CD248: variants seen among roughly 807,000 people sequenced by gnomAD.
CD248 encodes the protein CD248 molecule, also known as endosialin.
In CD248, 7 loss-of-function variants were observed where a neutral mutation model predicts 8.0. That is an observed-to-expected ratio of 0.88 (90% confidence interval 0.50 to 1.64). CD248 has a LOEUF of 1.64. CD248 is among the 40% of genes most tolerant of loss of function. The pLI, the probability that CD248 is intolerant of heterozygous loss-of-function variation, is 0.00. For missense variants in CD248, 912 were observed against 1,027.2 expected, an observed-to-expected ratio of 0.89 and a Z score of 1.53; for synonymous variants, 418 against 437.1, an observed-to-expected ratio of 0.96 and a Z score of 0.54.
In CD248 at chr11:66,315,138, G is replaced by T; in HGVS notation, c.1890C>A (p.Thr630=). ...LLPSQSPTNQ[T]SPISPTHPHS... ...GGGGATGTGTAGGGCTGATGGGTGA[G>T]GTCTGGTTAGTGGGGCTCTGAGAGG... is the stretch of plus-strand genomic sequence containing the variant. Residue 630 remains threonine (T), a synonymous_variant, in exon 1 of 1, where the codon ACC becomes ACA. Transcript: ENST00000311330. This position sits in a 1 kb window ranked among gnomAD's most constrained non-coding sequence, Gnocchi z 4.3. 5 of 1,537,056 alleles carry T rather than the reference G, an allele frequency of 3.3e-6. No individual in the cohort carries two copies. The highest frequency in any genetic ancestry group is 4.4e-6 in the Non-Finnish European group (5 of 1,142,820).
At position 66,314,798 on chromosome 11, in the gene CD248, T is replaced by C. The variant is rs1165668991; in HGVS notation, c.2230A>G (p.Arg744Gly). 2 of 1,559,792 alleles carry C rather than the reference T, an allele frequency of 1.3e-6. No homozygotes were observed. ...GTCTGCACCCCTGTGAGGCTGCCCC[T>C]GGGGGGCATGGGTTCTGTTGGGCTC... ...SKSPTEPMPP[R>G]GSLTGVQTCR... Residue 744 changes from arginine (R) to glycine (G), a missense_variant, in exon 1 of 1, where the codon AGG becomes GGG. Arg to Gly is a moderately radical substitution (Grantham distance 125). This residue lies in a region of CD248 where 507 missense variants were observed against 562.2 expected (regional missense o/e 0.90). Coordinates refer to ENST00000311330, the MANE Select transcript of CD248 (RefSeq NM_020404.3). This position sits in a 1 kb window ranked among gnomAD's most constrained non-coding sequence, Gnocchi z 4.0.
In CD248 at chr11:66,315,462, C is replaced by T. The variant is rs764637156; in HGVS notation, c.1566G>A (p.Pro522=). The T allele has an allele frequency of 2.0e-5, 32 of 1,612,900 alleles. No homozygotes were observed. The highest frequency in any genetic ancestry group is 1.6e-4 in the Middle Eastern group (1 of 6,080). The change falls in exon 1 of 1, where the codon CCG becomes CCA. Residue 522 remains proline, a synonymous_variant. Coordinates refer to ENST00000311330, the MANE Select transcript of CD248 (RefSeq NM_020404.3). This position sits in a 1 kb window ranked among gnomAD's most constrained non-coding sequence, Gnocchi z 4.3. ...GGGACTGGTGGGCAGGGAAGAGCTC[C>T]GGATATTTGGTTGAGATCATAGGGG... ...HQPPMISTKY[P]ELFPAHQSPM...
Position 66,314,595 on chromosome 11 carries a change from A to T in CD248, c.*159T>A. ...GGTCACGAGCGCTGGGCCAGGAAGC[A>T]GAGTTCCTGAGAGCCAAGTCTAGTG... On this transcript the variant is annotated 3_prime_UTR_variant, in exon 1 of 1. Coordinates refer to ENST00000311330, the MANE Select transcript of CD248 (RefSeq NM_020404.3). The surrounding 1 kb of genome is among the most constrained non-coding windows in gnomAD (Gnocchi z 4.0). 1 of 627,770 alleles carries T rather than the reference A, an allele frequency of 1.6e-6. No individual in the cohort carries two copies. The highest frequency in any genetic ancestry group is 2.7e-6 in the Non-Finnish European group (1 of 365,058). 38.9% of individuals were successfully genotyped at this position (627,770 alleles called of 1,614,324 possible).
rs1057099331 is a variant in CD248 at position 66,314,527 on chromosome 11, C to G, written c.*227G>C. 1.9e-6 allele frequency: 1 copy of G among 521,300 alleles called. No individual in the cohort carries two copies. 32.3% of individuals were successfully genotyped at this position (521,300 alleles called of 1,614,324 possible). Reference sequence around the variant, plus strand: ...ACACCCCATTTATTGGAGAAGACCCCAGCACCCGCCCCCTGAGGTCTTAAG... The same window carrying G: ...ACACCCCATTTATTGGAGAAGACCCGAGCACCCGCCCCCTGAGGTCTTAAG... On this transcript the variant is annotated 3_prime_UTR_variant, in exon 1 of 1. Coordinates refer to ENST00000311330, the MANE Select transcript of CD248 (RefSeq NM_020404.3). This position sits in a 1 kb window ranked among gnomAD's most constrained non-coding sequence, Gnocchi z 4.0.
chr11:66,316,982 G>A lies in CD248; in HGVS notation c.46C>T (p.Leu16=). Residue 16 remains leucine (L), a synonymous_variant, in exon 1 of 1, where the codon CTG becomes TTG. Coordinates refer to ENST00000311330, the MANE Select transcript of CD248 (RefSeq NM_020404.3). ...TCAGCAGCCCAGGGGTCCTGGCCCA[G>A]TGTGGGCCCTGCGGCCGCCCAGGCC... The part of the protein sequence containing the change: ...LLAWAAAGPT[L]GQDPWAAEPR... 2 of 1,507,556 alleles carry A rather than the reference G, an allele frequency of 1.3e-6. No homozygotes were observed. Among genetic ancestry groups the A allele is most frequent in the Admixed American group, 2.3e-5 (1 of 44,134 alleles). 93.4% of individuals were successfully genotyped at this position (1,507,556 alleles called of 1,614,324 possible). A position where few individuals can be genotyped will look rare whatever the true frequency, so the allele number is the denominator to read the frequency against.
Position 66,314,525 on chromosome 11 carries a change from C to T in CD248, c.*229G>A. 1.9e-6 allele frequency: 1 copy of T among 518,724 alleles called. No homozygotes were observed. The highest frequency in any genetic ancestry group is 3.5e-6 in the Non-Finnish European group (1 of 289,448). 32.1% of individuals were successfully genotyped at this position (518,724 alleles called of 1,614,324 possible). A position where few individuals can be genotyped will look rare whatever the true frequency, so the allele number is the denominator to read the frequency against. On this transcript the variant is annotated 3_prime_UTR_variant, in exon 1 of 1. Transcript: ENST00000311330. This position sits in a 1 kb window ranked among gnomAD's most constrained non-coding sequence, Gnocchi z 4.0. Reference sequence around the variant, plus strand: ...TGACACCCCATTTATTGGAGAAGACCCCAGCACCCGCCCCCTGAGGTCTTA... The same window carrying T: ...TGACACCCCATTTATTGGAGAAGACTCCAGCACCCGCCCCCTGAGGTCTTA...
In CD248 at chr11:66,314,984, T is replaced by C. The variant is rs770285113; in HGVS notation, c.2044A>G (p.Arg682Gly). 1 of 1,612,664 alleles carries C rather than the reference T, an allele frequency of 6.2e-7. No homozygotes were observed. Among genetic ancestry groups the C allele is most frequent in the Non-Finnish European group, 8.5e-7 (1 of 1,179,570 alleles). ...GEAGLAEHSQ[R>G]DDRWLLVALL... ...GCCACCAGCAGCCACCGGTCATCCC[T>C]CTGGCTGTGCTCGGCAAGACCAGCC... is the stretch of plus-strand genomic sequence containing the variant. Residue 682 changes from arginine (R) to glycine (G), a missense_variant, in exon 1 of 1, where the codon AGG (arginine) becomes GGG (glycine). Physicochemically the swap from Arg to Gly is moderately radical, Grantham distance 125. Around this residue, in one of 3 missense-constraint regions of CD248, gnomAD observed 507 missense variants for 562.2 expected, o/e 0.90. Transcript: ENST00000311330. This position sits in a 1 kb window ranked among gnomAD's most constrained non-coding sequence, Gnocchi z 4.0.
At position 66,316,212 on chromosome 11, in the gene CD248, C is replaced by A; in HGVS notation, c.816G>T (p.Glu272Asp). 1 of 1,613,072 alleles carries A rather than the reference C, an allele frequency of 6.2e-7. No homozygotes were observed. Among genetic ancestry groups the A allele is most frequent in the Non-Finnish European group, 8.5e-7 (1 of 1,179,944 alleles). Reference protein sequence around the residue: ...FRLAADGRSCEDPCAQAPCEQ... With the variant: ...FRLAADGRSCDDPCAQAPCEQ... ...CGCACGGAGCCTGGGCACAGGGGTC[C>A]TCGCAACTGCGCCCGTCTGCTGCCA... is the stretch of plus-strand genomic sequence containing the variant. Residue 272 changes from glutamate to aspartate, a missense_variant, in exon 1 of 1, where the codon GAG becomes GAT. By Grantham distance (45) the Glu-to-Asp change is conservative. Around this residue, in one of 3 missense-constraint regions of CD248, gnomAD observed 403 missense variants for 446.2 expected, o/e 0.90. Transcript: ENST00000311330.
In CD248 at chr11:66,314,976, G is replaced by A. The variant is rs745410232; in HGVS notation, c.2052C>T (p.Asp684=). 5.6e-6 allele frequency: 9 copies of A among 1,613,058 alleles called. No individual in the cohort carries two copies. The highest frequency in any genetic ancestry group is 1.3e-5 in the African/African-American group (1 of 74,946). The part of the protein sequence containing the change: ...AGLAEHSQRD[D]RWLLVALLVP... ...CCAGGAGTGCCACCAGCAGCCACCG[G>A]TCATCCCTCTGGCTGTGCTCGGCAA... Residue 684 remains aspartate (D), a synonymous_variant, in exon 1 of 1, where the codon GAC becomes GAT. Coordinates refer to ENST00000311330, the MANE Select transcript of CD248 (RefSeq NM_020404.3). The surrounding 1 kb of genome is among the most constrained non-coding windows in gnomAD (Gnocchi z 4.0).
chr11:66,316,637 A>G lies in CD248; in HGVS notation c.391T>C (p.Cys131Arg), dbSNP rs767570725. 1.2e-6 allele frequency: 2 copies of G among 1,603,796 alleles called. No homozygotes were observed. Among genetic ancestry groups the G allele is most frequent in the Non-Finnish European group, 1.7e-6 (2 of 1,178,590 alleles). Residue 131 changes from cysteine to arginine, a missense_variant, in exon 1 of 1, where the codon TGT (cysteine) becomes CGT (arginine). By Grantham distance (180) the Cys-to-Arg change is radical. This residue lies in a region of CD248 where 403 missense variants were observed against 446.2 expected (regional missense o/e 0.90). Transcript: ENST00000311330. The part of the protein sequence containing the change: ...ASGGPCPAQR[C>R]VALEASGEHR... ...TCGCCACTTGCCTCCAGGGCCACAC[A>G]GCGCTGGGCCGGGCAGGGGCCTCCA...
In CD248 at chr11:66,315,941, C is replaced by T. The variant is rs774532586; in HGVS notation, c.1087G>A (p.Asp363Asn). 3.7e-6 allele frequency: 6 copies of T among 1,613,230 alleles called. No homozygotes were observed. In the South Asian group the frequency reaches 5.5e-5, roughly 15 times the overall value. The change falls in exon 1 of 1, where the codon GAC becomes AAC. Residue 363 changes from aspartate to asparagine, a missense_variant. Physicochemically the swap from Asp to Asn is conservative, Grantham distance 23. Around this residue, in one of 3 missense-constraint regions of CD248, gnomAD observed 507 missense variants for 562.2 expected, o/e 0.90. Coordinates refer to ENST00000311330, the MANE Select transcript of CD248 (RefSeq NM_020404.3). The surrounding 1 kb of genome is among the most constrained non-coding windows in gnomAD (Gnocchi z 4.3). Reference protein sequence around the residue: ...AGAMGAQASQDLGDELLDDGE... With the variant: ...AGAMGAQASQNLGDELLDDGE... ...TCATCCAGCAACTCATCTCCGAGGTCCTGGGAAGCCTGGGCACCCATGGCC... is the reference window on the plus strand; with the variant it reads ...TCATCCAGCAACTCATCTCCGAGGTTCTGGGAAGCCTGGGCACCCATGGCC...
rs762162744 is a variant in CD248 at position 66,316,503 on chromosome 11, G to A, written c.525C>T (p.Gly175=). The change falls in exon 1 of 1, where the codon GGC becomes GGT. Residue 175 remains glycine, a synonymous_variant. Transcript: ENST00000311330. ...GGAAGGGCGTGGTATACACGGCTGG[G>A]CCGGCCTGGCCCGCCTCATCTTGCA... is the stretch of plus-strand genomic sequence containing the variant. ...PALQDEAGQA[G]PAVYTTPFHL... is the part of the protein sequence containing the mutation. 9 of 1,596,002 alleles carry A rather than the reference G, an allele frequency of 5.6e-6. No individual in the cohort carries two copies. The Admixed American group carries it at 1.2e-4, about 21-fold the overall frequency.
Position 66,314,889 on chromosome 11 carries a change from A to G in CD248, c.2139T>C (p.Cys713=). 1.2e-6 allele frequency: 2 copies of G among 1,611,610 alleles called. No homozygotes were observed. Among genetic ancestry groups the G allele is most frequent in the Non-Finnish European group, 1.7e-6 (2 of 1,179,256 alleles). ...TGCGCTTGTTGGGTGCATGGGGGCC[A>G]CAGCGGGTGCAGTACACGATGCCCA... ...LALGIVYCTR[C]GPHAPNKRIT... is the part of the protein sequence containing the mutation. Residue 713 remains cysteine, a synonymous_variant, in exon 1 of 1, where the codon TGT becomes TGC. Coordinates refer to ENST00000311330, the MANE Select transcript of CD248 (RefSeq NM_020404.3). This position sits in a 1 kb window ranked among gnomAD's most constrained non-coding sequence, Gnocchi z 4.0.
At position 66,316,321 on chromosome 11, in the gene CD248, C is replaced by A. The variant is rs763200019; in HGVS notation, c.707G>T (p.Ser236Ile). Reference protein sequence around the residue: ...AGPLCLGTGCSPDNGGCEHEC... With the variant: ...AGPLCLGTGCIPDNGGCEHEC... ...GTGTTCGCAGCCCCCGTTGTCAGGG[C>A]TGCAGCCAGTCCCCAGGCACAGGGG... Residue 236 changes from serine to isoleucine, a missense_variant, in exon 1 of 1, where the codon AGC becomes ATC. This residue lies in a region of CD248 where 403 missense variants were observed against 446.2 expected (regional missense o/e 0.90). Transcript: ENST00000311330. 7 of 1,612,578 alleles carry A rather than the reference C, an allele frequency of 4.3e-6. No individual in the cohort carries two copies. The highest frequency in any genetic ancestry group is 5.9e-6 in the Non-Finnish European group (7 of 1,179,714).
chr11:66,316,528 A>G lies in CD248; in HGVS notation c.500T>C (p.Leu167Pro), dbSNP rs1279721701. The change falls in exon 1 of 1, where the codon CTG (leucine) becomes CCG (proline). Residue 167 changes from leucine to proline, a missense_variant. Leu to Pro is a moderately conservative substitution (Grantham distance 98, BLOSUM62 -3). Around this residue, in one of 3 missense-constraint regions of CD248, gnomAD observed 403 missense variants for 446.2 expected, o/e 0.90. Transcript: ENST00000311330. ...GCCGGCCTGGCCCGCCTCATCTTGC[A>G]GCGCCGGGCAGGCGCCCTCGAAGCC... ...QFGFEGACPALQDEAGQAGPA... is the reference protein window; with the variant it reads ...QFGFEGACPAPQDEAGQAGPA... The G allele has an allele frequency of 1.9e-6, 3 of 1,598,930 alleles. No homozygotes were observed. In the South Asian group the frequency reaches 3.3e-5, roughly 18 times the overall value.
chr11:66,316,586 T>G lies in CD248; in HGVS notation c.442A>C (p.Thr148Pro). The part of the protein sequence containing the change: ...GEHRWLEGSC[T>P]LAVDGYLCQF... ...CACAGGTAGCCGTCGACAGCCAGCG[T>G]GCACGAGCCCTCCAGCCAGCGGTGC... The change falls in exon 1 of 1, where the codon ACG (threonine) becomes CCG (proline). Residue 148 changes from threonine (T) to proline (P), a missense_variant. Coordinates refer to ENST00000311330, the MANE Select transcript of CD248 (RefSeq NM_020404.3). 6.2e-7 allele frequency: 1 copy of G among 1,601,376 alleles called. No individual in the cohort carries two copies. The highest frequency in any genetic ancestry group is 8.5e-7 in the Non-Finnish European group (1 of 1,179,376).
rs1854521068 is a variant in CD248, at chr11:66,314,623, TGA to T, written c.*129_*130del. 2.7e-6 allele frequency: 2 copies of T among 732,236 alleles called. No homozygotes were observed. Among genetic ancestry groups the T allele is most frequent in the East Asian group, 2.7e-5 (1 of 36,958 alleles). The allele number at this position is 732,236 out of a possible 1,614,324, so 45.4% of individuals were successfully genotyped here. A position where few individuals can be genotyped will look rare whatever the true frequency, so the allele number is the denominator to read the frequency against. ...GTTCCTGAGAGCCAAGTCTAGTGGT[TGA>T]GAGAGGACCCTGGCTGGGCCTGGGG... On this transcript the variant is annotated 3_prime_UTR_variant, in exon 1 of 1. Transcript: ENST00000311330. This position sits in a 1 kb window ranked among gnomAD's most constrained non-coding sequence, Gnocchi z 4.0.
chr11:66,315,315 A>G lies in CD248; in HGVS notation c.1713T>C (p.Asp571=). 1 of 1,566,356 alleles carries G rather than the reference A, an allele frequency of 6.4e-7. No individual in the cohort carries two copies. The highest frequency in any genetic ancestry group is 8.7e-7 in the Non-Finnish European group (1 of 1,154,076). The change falls in exon 1 of 1, where the codon GAT becomes GAC. Residue 571 remains aspartate (D), a synonymous_variant. Transcript: ENST00000311330. This position sits in a 1 kb window ranked among gnomAD's most constrained non-coding sequence, Gnocchi z 4.3. ...LGAQLPPQAP[D]ALVLRTQATQ... ...TGGCCTGGGTTCTGAGGACAAGGGC[A>G]TCTGGGGCTTGAGGGGGTAGCTGGG...
Position 66,315,891 on chromosome 11 carries a change from G to A in CD248, c.1137C>T (p.Asp379=), listed in dbSNP as rs114284078. 4,253 of 1,613,768 alleles carry A rather than the reference G, an allele frequency of 2.6e-3. 92 individuals carry two copies. In the African/African-American group the frequency reaches 0.049, roughly 18 times the overall value. The change falls in exon 1 of 1, where the codon GAC becomes GAT. Residue 379 remains aspartate, a synonymous_variant. Transcript: ENST00000311330. The surrounding 1 kb of genome is among the most constrained non-coding windows in gnomAD (Gnocchi z 4.3). ...LDDGEDEEDE[D]EAWKAFNGGW... is the part of the protein sequence containing the mutation. Reference sequence around the variant, plus strand: ...CACCGTTGAAGGCCTTCCAGGCCTCGTCTTCATCTTCCTCATCCTCCCCGT... The same window carrying A: ...CACCGTTGAAGGCCTTCCAGGCCTCATCTTCATCTTCCTCATCCTCCCCGT...
Sources: gnomAD v4.1 joint callset for allele counts on GRCh38, gnomAD v4.1.1 for gene constraint, gnomAD v4.1.1 regional missense constraint, Gnocchi (gnomAD v3.1) non-coding constraint, MANE v1.5 for transcripts, NCBI Gene and HGNC (gene_info 2026-07-23, HGNC 2026-07-21) for gene names.